Variants in ABCC12 observed in about 807,000 individuals in gnomAD.
The protein encoded by ABCC12 is ATP binding cassette subfamily C member 12.
A neutral mutation model predicts 151.1 loss-of-function variants in ABCC12; 142 were observed. The ratio of observed to expected loss-of-function variants is 0.94; its 90% confidence interval spans 0.82 to 1.08. ABCC12 has a LOEUF of 1.08. Among genes scored for constraint, ABCC12 ranks in the 50% least tolerant of loss-of-function variants. The pLI, the probability that ABCC12 is intolerant of heterozygous loss-of-function variation, is 0.00. For missense variants in ABCC12, 1,638 were observed against 1,691.1 expected (o/e 0.97, Z 0.55); for synonymous variants, 645 against 646.4 (o/e 1.00, Z 0.03).
At chr16:48,118,213 G>A (rs867126612) in intron 13 of ABCC12, among the ~76,000 whole-genome samples, 10 of 152,314 alleles carry the variant, frequency 6.6e-5, no homozygotes, top group South Asian at 6.2e-4. Context: ...TTCTGGCACC[G>A]AGGAACCTAG....
chr16:48,105,393 G>A, intron 20 of ABCC12, 57 bp from the exon 21 acceptor site: 2 of 1,496,192 alleles, frequency 1.3e-6, no homozygotes, highest in South Asian at 1.2e-5. Context: ...CAGGAGAACA[G>A]GAATTTTCCG....
At chr16:48,153,262 C>A (rs1210354132) in intron 2 of ABCC12, among the ~76,000 whole-genome samples, 1 of 152,140 alleles carries the variant, frequency 6.6e-6, no homozygotes, top group East Asian at 1.9e-4. Flanking sequence ...AATGTCACTG[C>A]AAATCTCAGT....
chr16:48,081,498 G>A lies in ABCC12; in HGVS notation c.*2217C>T, dbSNP rs563268524. On this transcript the variant is annotated 3_prime_UTR_variant, in exon 31 of 31. Transcript: ENST00000311303. ...TGTGAAGGGGTTGGGAGCAGGGCCT[G>A]TGGAGCCAGACTGGTTAGGGTTCAA... is the stretch of plus-strand genomic sequence containing the variant. Among the ~76,000 whole-genome samples the A allele has an allele frequency of 2.4e-4, 37 of 152,328 alleles. No individual in the cohort carries two copies. Among genetic ancestry groups the A allele is most frequent in the African/African-American group, 8.7e-4 (36 of 41,574 alleles).
Position 48,083,560 on chromosome 16 carries a change from A to C in ABCC12, c.*155T>G. 1 of 779,858 alleles carries C rather than the reference A, an allele frequency of 1.3e-6. No individual in the cohort carries two copies. Among genetic ancestry groups the C allele is most frequent in the Non-Finnish European group, 2.1e-6 (1 of 476,006 alleles). 48.3% of individuals were successfully genotyped at this position (779,858 alleles called of 1,614,324 possible). A position where few individuals can be genotyped will look rare whatever the true frequency, so the allele number is the denominator to read the frequency against. On this transcript the variant is annotated 3_prime_UTR_variant, in exon 31 of 31. Coordinates refer to ENST00000311303, the MANE Select transcript of ABCC12 (RefSeq NM_001393797.1). ...CCAAGTGGGGTGACATGGACTGAGT[A>C]TGGCAGTGGGGACAACTTCAGCCCC... is the stretch of plus-strand genomic sequence containing the variant.
At chr16:48,125,767 T>C (rs1964219312) in intron 11 of ABCC12, among the ~76,000 whole-genome samples, 1 of 152,214 alleles carries the variant, frequency 6.6e-6, no homozygotes, top group Non-Finnish European at 1.5e-5. Flanking sequence ...GCCCATCCCC[T>C]GTCTGCCATT....
At chr16:48,114,176 A>G (rs1963796065) in intron 15 of ABCC12, among the ~76,000 whole-genome samples, 1 of 152,214 alleles carries the variant, frequency 6.6e-6, no homozygotes, top group Non-Finnish European at 1.5e-5. Flanking sequence ...GGAAATCCAG[A>G]CAATCCCCAT....
intron 9 of ABCC12, among the ~76,000 whole-genome samples, 170 bp downstream of exon 9, chr16:48,133,517 C>A (rs1425501953): frequency 4.7e-5 from 7 of 150,294 alleles, no homozygotes; most frequent in South Asian, 4.2e-4. Flanking sequence ...CTGAGTGAGA[C>A]CCTGTCTCAG....
At chr16:48,111,554 C>T in intron 17 of ABCC12, 24 bp downstream of exon 17, 1 of 1,614,168 alleles carries the variant, frequency 6.2e-7, no homozygotes. Context: ...AAGCCAAGGA[C>T]AATAACAGGG....
At chr16:48,091,383 C>T (rs1376120071) in intron 24 of ABCC12, 174 bp from the exon 25 acceptor site, 2 of 619,752 alleles carry the variant, frequency 3.2e-6, no homozygotes, top group South Asian at 1.9e-5. Flanking sequence ...TATTCCTGTT[C>T]GGGTGTTTTG....
chr16:48,143,403 A>G (rs1964886719), intron 4 of ABCC12, among the ~76,000 whole-genome samples: 1 of 152,186 alleles, frequency 6.6e-6, no homozygotes, highest in Admixed American at 6.5e-5. Flanking sequence ...AATCTCAGAG[A>G]ATGGTTACCA....
At chr16:48,139,044 TG>T (rs1964708930) in intron 7 of ABCC12, 118 bp downstream of exon 7, 1 of 1,172,688 alleles carries the variant, frequency 8.5e-7, no homozygotes, top group South Asian at 1.6e-5. Context: ...GAAGTAAATC[TG>T]TGAGTACAAA....
chr16:48,149,004 A>C (rs996298085), intron 2 of ABCC12, among the ~76,000 whole-genome samples: 2 of 152,138 alleles, frequency 1.3e-5, no homozygotes, highest in Non-Finnish European at 2.9e-5. Context: ...TGAATGAATA[A>C]TAGTAAGTAT....
chr16:48,129,413 A>C (rs1014996934), intron 10 of ABCC12, among the ~76,000 whole-genome samples: 1 of 152,144 alleles, frequency 6.6e-6, no homozygotes, highest in African/African-American at 2.4e-5. Flanking sequence ...GGGAAAGAGA[A>C]TGACAGCATT....
intron 20 of ABCC12, 92 bp downstream of exon 20, chr16:48,107,230 G>A: frequency 1.6e-6 from 2 of 1,223,042 alleles, no homozygotes; most frequent in Admixed American, 1.7e-5. Flanking sequence ...GTGGGCTCAT[G>A]GCATGGTGGC....
intron 4 of ABCC12, among the ~76,000 whole-genome samples, chr16:48,143,682 G>A (rs1051809947): frequency 2.6e-5 from 4 of 152,208 alleles, no homozygotes; most frequent in African/African-American, 7.2e-5. Flanking sequence ...CATGAGATCT[G>A]ATGGTTTTAC....
chr16:48,105,213 C>T lies in ABCC12; in HGVS notation c.2599G>A (p.Val867Ile), dbSNP rs61742619. Residue 867 changes from valine (V) to isoleucine (I), a missense_variant, in exon 21 of 31, where the codon GTC (valine) becomes ATC (isoleucine). Val to Ile is a conservative substitution (Grantham distance 29, BLOSUM62 3). Transcript: ENST00000311303. ...ASMVFMLVFG[V>I]TKGFVFTKTT... ...TTGGTGAAGACGAAGCCTTTGGTGA[C>T]GCCAAACACCAGCATGAACACCATG... 194 of 1,614,152 alleles carry T rather than the reference C, an allele frequency of 1.2e-4. 1 individual carries two copies. The African/African-American group carries it at 1.7e-3, about 14-fold the overall frequency.
rs571784744 is a variant in ABCC12, at chr16:48,103,590, T to C, written c.2900+552A>G. On this transcript the variant is annotated intron_variant, in intron 22 of 30. Coordinates refer to ENST00000311303, the MANE Select transcript of ABCC12 (RefSeq NM_001393797.1). ...GGCAGAGCTGGGGCTCTAATGCAAA[T>C]TTCTCTGATTTGCAACCCTTTGCCC... 3.3e-5 allele frequency among the ~76,000 whole-genome samples: 5 copies of C among 152,266 alleles called. No individual in the cohort carries two copies. In the East Asian group the frequency reaches 9.7e-4, roughly 29 times the overall value.
intron 5 of ABCC12, 130 bp from the exon 6 acceptor site, chr16:48,141,050 T>C: frequency 7.2e-7 from 1 of 1,387,796 alleles, no homozygotes; most frequent in Admixed American, 2.4e-5. Flanking sequence ...GCTGCTGCTG[T>C]GCTTGACAAG....
chr16:48,146,381 C>T lies in ABCC12; in HGVS notation c.44G>A (p.Arg15Gln), dbSNP rs951028927. ...GPYLISDLDQ[R>Q]GRRRSFAERY... Reference sequence around the variant, plus strand: ...TTCTGCAAAGGATCTCCGCCGGCCTCGCTGGTCCAGATCTGAGATAAGGTA... The same window carrying T: ...TTCTGCAAAGGATCTCCGCCGGCCTTGCTGGTCCAGATCTGAGATAAGGTA... Residue 15 changes from arginine to glutamine, a missense_variant, in exon 3 of 31, where the codon CGA becomes CAA. Physicochemically the swap from Arg to Gln is conservative, Grantham distance 43. Coordinates refer to ENST00000311303, the MANE Select transcript of ABCC12 (RefSeq NM_001393797.1). 1.9e-5 allele frequency: 30 copies of T among 1,614,066 alleles called. No individual in the cohort carries two copies. Among genetic ancestry groups the T allele is most frequent in the African/African-American group, 1.2e-4 (9 of 74,916 alleles).
Sources: gnomAD v4.1 joint callset for allele counts (sites outside exome capture counted in the v4.1 genomes callset) on GRCh38, gnomAD v4.1.1 for gene constraint, MANE v1.5 for transcripts, NCBI Gene and HGNC (gene_info 2026-07-23, HGNC 2026-07-21) for gene names.